KCND3: variants seen among roughly 807,000 people sequenced by gnomAD.
KCND3 encodes potassium voltage-gated channel subfamily D member 3.
A neutral mutation model predicts 51.1 loss-of-function variants in KCND3; 9 were observed. That is an observed-to-expected ratio of 0.18 (90% confidence interval 0.11 to 0.31). The LOEUF (loss-of-function observed/expected upper bound fraction) is 0.31, where lower values mean the gene tolerates loss of function less well. Among genes scored for constraint, KCND3 ranks in the 10% least tolerant of loss-of-function variants. The pLI, the probability that KCND3 is intolerant of heterozygous loss-of-function variation, is 1.00. For synonymous variants in KCND3, 349 were observed against 368.0 expected, an observed-to-expected ratio of 0.95 and a Z score of 0.59; for missense variants, 526 against 903.8, an observed-to-expected ratio of 0.58 and a Z score of 5.36.
intron 2 of KCND3, among the ~76,000 whole-genome samples, chr1:111,952,880 C>A (rs1169381125): frequency 2.6e-5 from 4 of 152,148 alleles, no homozygotes; most frequent in African/African-American, 9.7e-5. Flanking sequence ...TCAGCTCTTC[C>A]TCTTGCAGAA....
At chr1:111,802,309 G>A (rs1665346888) in intron 2 of KCND3, among the ~76,000 whole-genome samples, 1 of 152,178 alleles carries the variant, frequency 6.6e-6, no homozygotes, top group Admixed American at 6.5e-5. Context: ...AGCTCTGAAA[G>A]CACCGCCTGC....
At chr1:111,779,078 C>T (rs988477688) in intron 5 of KCND3, among the ~76,000 whole-genome samples, 13 of 152,132 alleles carry the variant, frequency 8.5e-5, no homozygotes, top group Non-Finnish European at 1.3e-4. Context: ...ATGATAAATC[C>T]TGTAACTAGG....
At chr1:111,794,604 G>A (rs983312428) in intron 2 of KCND3, among the ~76,000 whole-genome samples, 3 of 152,204 alleles carry the variant, frequency 2.0e-5, no homozygotes, top group Non-Finnish European at 4.4e-5. Flanking sequence ...AAGCTGTCCT[G>A]TTGGGTGGGA....
chr1:111,983,341 A>G (rs1195781717), intron 1 of KCND3, among the ~76,000 whole-genome samples: 3 of 152,146 alleles, frequency 2.0e-5, no homozygotes, highest in African/African-American at 7.2e-5. Flanking sequence ...CCAAGTCCAG[A>G]AAATTCTCTG....
Position 111,941,450 on chromosome 1 carries a change from C to T in KCND3, c.1106+40171G>A, listed in dbSNP as rs377171389. ...AGCTCCCCAGAGCTGGGGGGCTTAG[C>T]TCCATATCTACTGGGGTTTTTATCA... On this transcript the variant is annotated intron_variant, in intron 2 of 7. Transcript: ENST00000302127. Among the ~76,000 whole-genome samples the T allele has an allele frequency of 5.9e-5, 9 of 152,330 alleles. No individual in the cohort carries two copies. The East Asian group carries it at 1.7e-3, about 29-fold the overall frequency.
intron 2 of KCND3, among the ~76,000 whole-genome samples, chr1:111,820,046 A>T (rs1666277485): frequency 6.6e-6 from 1 of 152,194 alleles, no homozygotes; most frequent in Admixed American, 6.5e-5. Context: ...AAAAACATTC[A>T]TTGGCTCATC....
intron 2 of KCND3, among the ~76,000 whole-genome samples, chr1:111,813,573 G>T (rs1665951391): frequency 6.6e-6 from 1 of 152,248 alleles, no homozygotes; most frequent in African/African-American, 2.4e-5. Flanking sequence ...GAAGGCTCTA[G>T]CTGTCTTAGG....
chr1:111,918,041 T>C (rs1226611840), intron 2 of KCND3, among the ~76,000 whole-genome samples: 2 of 152,228 alleles, frequency 1.3e-5, no homozygotes, highest in Non-Finnish European at 2.9e-5. Context: ...GTTTACACAA[T>C]GAGGCTCCTA....
At chr1:111,974,611 C>T (rs1181734623) in intron 2 of KCND3, among the ~76,000 whole-genome samples, 7 of 152,188 alleles carry the variant, frequency 4.6e-5, no homozygotes, top group Non-Finnish European at 4.4e-5. Flanking sequence ...CAGGAGCTCC[C>T]TCCTGGGTGG....
chr1:111,811,466 G>A, intron 2 of KCND3, among the ~76,000 whole-genome samples: 1 of 152,192 alleles, frequency 6.6e-6, no homozygotes, highest in East Asian at 1.9e-4. Context: ...ACGCAGAAAA[G>A]CTGTGAGGGG....
intron 2 of KCND3, among the ~76,000 whole-genome samples, chr1:111,796,197 TC>T (rs1314596054): frequency 6.6e-6 from 1 of 152,244 alleles, no homozygotes; most frequent in East Asian, 1.9e-4. Flanking sequence ...TGTAATTAGA[TC>T]CCATTTGTCA....
At chr1:111,937,636 A>T (rs1672286928) in intron 2 of KCND3, among the ~76,000 whole-genome samples, 1 of 152,188 alleles carries the variant, frequency 6.6e-6, no homozygotes. Flanking sequence ...GGCAGGCATA[A>T]AACAGTGTAG....
At chr1:111,898,224 C>T (rs1344037758) in intron 2 of KCND3, among the ~76,000 whole-genome samples, 1 of 140,622 alleles carries the variant, frequency 7.1e-6, no homozygotes, top group Non-Finnish European at 1.5e-5. Context: ...TTCATTTTAG[C>T]TCTTACCTTA....
At chr1:111,930,771 G>T (rs1463957392) in intron 2 of KCND3, among the ~76,000 whole-genome samples, 1 of 152,216 alleles carries the variant, frequency 6.6e-6, no homozygotes, top group Non-Finnish European at 1.5e-5. Flanking sequence ...GCAACATGGG[G>T]ATTCTGGTTT....
intron 2 of KCND3, among the ~76,000 whole-genome samples, chr1:111,895,182 AGAGC>A (rs2101772867): frequency 7.3e-6 from 1 of 137,256 alleles, no homozygotes; most frequent in South Asian, 2.6e-4. Flanking sequence ...AGGGAGACCA[AGAGC>A]AAGGAGGGGG....
At chr1:111,782,877 A>G (rs1235050687) in intron 3 of KCND3, among the ~76,000 whole-genome samples, 1 of 152,184 alleles carries the variant, frequency 6.6e-6, no homozygotes, top group East Asian at 1.9e-4. Context: ...ATGGATTTAC[A>G]TAACCATACC....
intron 2 of KCND3, among the ~76,000 whole-genome samples, chr1:111,881,614 C>A (rs1165309728): frequency 6.6e-6 from 1 of 152,236 alleles, no homozygotes; most frequent in East Asian, 1.9e-4. Flanking sequence ...TCAGCAGCCA[C>A]CTCTCATGAC....
chr1:111,878,495 C>T (rs1669158986), intron 2 of KCND3, among the ~76,000 whole-genome samples: 2 of 152,222 alleles, frequency 1.3e-5, no homozygotes, highest in South Asian at 2.1e-4. Context: ...CCACCCCTGG[C>T]TCCTCTGCTC....
chr1:111,816,303 C>T (rs1666086720), intron 2 of KCND3, among the ~76,000 whole-genome samples: 1 of 152,248 alleles, frequency 6.6e-6, no homozygotes, highest in Non-Finnish European at 1.5e-5. Context: ...TTCAAAGGGT[C>T]ACCCCAGACC....
Sources: gnomAD v4.1 joint callset for allele counts (sites outside exome capture counted in the v4.1 genomes callset) on GRCh38, gnomAD v4.1.1 for gene constraint, MANE v1.5 for transcripts, NCBI Gene and HGNC (gene_info 2026-07-23, HGNC 2026-07-21) for gene names.